The following ADGRL2 variants were observed in gnomAD, a reference collection of about 807,000 sequenced individuals.
ADGRL2 encodes the protein calcium-independent alpha-latrotoxin receptor 2.
A neutral mutation model predicts 157.4 loss-of-function variants in ADGRL2; 44 were observed. The observed-to-expected ratio is 0.28, with a 90% CI of 0.22 to 0.36. The LOEUF (loss-of-function observed/expected upper bound fraction) is 0.36. ADGRL2 is among the 10% of genes least tolerant of loss of function. ADGRL2 has a pLI of 1.00. For synonymous variants in ADGRL2, 585 were observed against 624.7 expected (o/e 0.94, Z 0.95); for missense variants, 1,510 against 1,768.9 (o/e 0.85, Z 2.63).
intron 11 of ADGRL2, among the ~76,000 whole-genome samples, chr1:81,957,453 C>CT (rs1306659237): frequency 1.3e-5 from 2 of 152,192 alleles, no homozygotes. Context: ...AATCCCAGCA[C>CT]TTTGGGAGGC....
intron 3 of ADGRL2, among the ~76,000 whole-genome samples, chr1:81,596,808 G>C (rs914432837): frequency 6.6e-6 from 1 of 151,960 alleles, no homozygotes; most frequent in African/African-American, 2.4e-5. Flanking sequence ...TAACACACAG[G>C]ATTAAGTAGT....
At chr1:81,450,810 TG>T (rs1470495262) in intron 2 of ADGRL2, among the ~76,000 whole-genome samples, 1 of 152,142 alleles carries the variant, frequency 6.6e-6, no homozygotes, top group Non-Finnish European at 1.5e-5. Context: ...GTGCTTTTTC[TG>T]GAAAGTAAAG....
At chr1:81,859,311 G>C (rs1197196376) in intron 2 of ADGRL2, among the ~76,000 whole-genome samples, 1 of 151,346 alleles carries the variant, frequency 6.6e-6, no homozygotes, top group Non-Finnish European at 1.5e-5. Flanking sequence ...TTATTGTGTA[G>C]TATTCTTTGA....
intron 2 of ADGRL2, among the ~76,000 whole-genome samples, chr1:81,575,630 A>G (rs781234783): frequency 6.6e-6 from 1 of 152,192 alleles, no homozygotes; most frequent in Non-Finnish European, 1.5e-5. Context: ...GCCTGCTTGT[A>G]AATTCAGAGA....
intron 2 of ADGRL2, among the ~76,000 whole-genome samples, chr1:81,897,680 G>A (rs903978555): frequency 3.3e-5 from 5 of 152,098 alleles, no homozygotes; most frequent in Non-Finnish European, 4.4e-5. Flanking sequence ...TTACCTTAGA[G>A]CATCTAGAGT....
At chr1:81,525,260 C>G (rs1367067225) in intron 2 of ADGRL2, among the ~76,000 whole-genome samples, 2 of 152,006 alleles carry the variant, frequency 1.3e-5, no homozygotes, top group Non-Finnish European at 2.9e-5. Flanking sequence ...TTAGAGAGTA[C>G]CCGGAAGGAG....
chr1:81,368,319 A>C (rs1356056170), intron 1 of ADGRL2, among the ~76,000 whole-genome samples: 2 of 152,116 alleles, frequency 1.3e-5, no homozygotes, highest in Non-Finnish European at 2.9e-5. Flanking sequence ...TGGCTGCATA[A>C]ATGTCTTCTT....
chr1:81,755,093 A>T (rs374716095), intron 1 of ADGRL2, among the ~76,000 whole-genome samples: 1 of 149,776 alleles, frequency 6.7e-6, no homozygotes, highest in East Asian at 1.9e-4. Flanking sequence ...CAATATTAGA[A>T]TATTAGGGCA....
rs556729893 is a variant in ADGRL2, at chr1:81,671,142, C to T, written c.-143+90162C>T. ...CTGCAAAATTCTGTAGGAGAAGGGGCCTCCCAAGTATGTGCCTAACCTTCA... is the reference window on the plus strand; with the variant it reads ...CTGCAAAATTCTGTAGGAGAAGGGGTCTCCCAAGTATGTGCCTAACCTTCA... On this transcript the variant is annotated intron_variant, in intron 3 of 24. Coordinates refer to the ADGRL2 transcript ENST00000370721. Among the ~76,000 whole-genome samples, 4 of 152,310 alleles carry T rather than the reference C, an allele frequency of 2.6e-5. No homozygotes were observed. The East Asian group carries it at 7.7e-4, about 29-fold the overall frequency.
intron 1 of ADGRL2, among the ~76,000 whole-genome samples, chr1:81,311,768 T>G (rs899787074): frequency 2.0e-5 from 3 of 152,186 alleles, no homozygotes; most frequent in Non-Finnish European, 4.4e-5. Context: ...AGGAAATTAT[T>G]CCAATGGATA....
intron 2 of ADGRL2, among the ~76,000 whole-genome samples, chr1:81,460,666 C>T (rs1464417130): frequency 6.6e-6 from 1 of 152,134 alleles, no homozygotes; most frequent in Admixed American, 6.5e-5. Context: ...ACTGGATGTG[C>T]TCCTTGGAGT....
chr1:81,915,128 A>C (rs1225179284), intron 3 of ADGRL2, among the ~76,000 whole-genome samples: 4 of 152,094 alleles, frequency 2.6e-5, no homozygotes, highest in Admixed American at 2.6e-4. Context: ...AGGGTCTTAC[A>C]GCTGGAGTGC....
chr1:81,531,122 C>G (rs1002783090), intron 2 of ADGRL2, among the ~76,000 whole-genome samples: 1 of 151,356 alleles, frequency 6.6e-6, no homozygotes, highest in African/African-American at 2.4e-5. Flanking sequence ...ATGCCTAGCA[C>G]TCTATATGAT....
chr1:81,830,999 G>A (rs929686297), intron 1 of ADGRL2, among the ~76,000 whole-genome samples: 7 of 152,046 alleles, frequency 4.6e-5, no homozygotes, highest in Non-Finnish European at 8.8e-5. Context: ...GGCCAGTAAC[G>A]GTGATTTATG....
intron 1 of ADGRL2, among the ~76,000 whole-genome samples, chr1:81,723,518 T>C (rs1178359751): frequency 6.6e-6 from 1 of 152,228 alleles, no homozygotes; most frequent in East Asian, 1.9e-4. Context: ...AAGATACTTA[T>C]GTATGGAAGA....
At chr1:81,353,858 G>T (rs1307600416) in intron 1 of ADGRL2, among the ~76,000 whole-genome samples, 1 of 152,176 alleles carries the variant, frequency 6.6e-6, no homozygotes, top group African/African-American at 2.4e-5. Context: ...GCGAGCTAAA[G>T]GTAAGTGAAA....
At chr1:81,366,035 G>T (rs749367744) in intron 1 of ADGRL2, among the ~76,000 whole-genome samples, 1 of 152,026 alleles carries the variant, frequency 6.6e-6, no homozygotes, top group Non-Finnish European at 1.5e-5. Context: ...CTTCTCTTCT[G>T]CTGAATAAGG....
At chr1:81,535,263 G>A (rs750281964) in intron 2 of ADGRL2, among the ~76,000 whole-genome samples, 1 of 152,172 alleles carries the variant, frequency 6.6e-6, no homozygotes, top group Non-Finnish European at 1.5e-5. Context: ...ATGTGAGAGT[G>A]ATTTTTAAAA....
chr1:81,915,061 T>C (rs757720256), intron 3 of ADGRL2, among the ~76,000 whole-genome samples: 1 of 152,104 alleles, frequency 6.6e-6, no homozygotes, highest in Non-Finnish European at 1.5e-5. Context: ...AAGAGAGAAA[T>C]AATGTCACAT....
Sources: gnomAD v4.1 joint callset for allele counts (sites outside exome capture counted in the v4.1 genomes callset) on GRCh38, gnomAD v4.1.1 for gene constraint, MANE v1.5 for transcripts, NCBI Gene and HGNC (gene_info 2026-07-23, HGNC 2026-07-21) for gene names.